CDH1: variants seen among roughly 807,000 people sequenced by gnomAD.
CDH1 encodes the protein cadherin 1, also known as cadherin-1.
CDH1 carries 35 observed loss-of-function variants against 84.5 expected under a neutral mutation model. The observed-to-expected ratio is 0.41, with a 90% CI of 0.32 to 0.55. The LOEUF (loss-of-function observed/expected upper bound fraction) is 0.55. Among genes scored for constraint, CDH1 ranks in the 20% least tolerant of loss-of-function variants. The pLI is 0.19. For synonymous variants in CDH1, 417 were observed against 439.0 expected (o/e 0.95, Z 0.63); for missense variants, 994 against 1,126.6 (o/e 0.88, Z 1.68).
At chr16:68,750,072 G>A (rs1369416934) in intron 2 of CDH1, among the ~76,000 whole-genome samples, 2 of 148,380 alleles carry the variant, frequency 1.3e-5, no homozygotes, top group East Asian at 4.0e-4. Flanking sequence ...TTGGCCTCTC[G>A]AAGTGCTGGG....
chr16:68,823,701 TG>T, intron 13 of CDH1, 75 bp downstream of exon 13: 1 of 984,298 alleles, frequency 1.0e-6, no homozygotes, highest in Non-Finnish European at 1.6e-6. Context: ...AAATGATTTT[TG>T]TTCTTATATT....
chr16:68,809,327 G>A (rs369500898), intron 5 of CDH1, among the ~76,000 whole-genome samples: 19 of 149,220 alleles, frequency 1.3e-4, no homozygotes, highest in Non-Finnish European at 2.4e-4. Context: ...TCAACCTCCC[G>A]AGTAGCTGGA....
intron 2 of CDH1, among the ~76,000 whole-genome samples, chr16:68,798,055 G>T (rs1035654941): frequency 4.0e-5 from 6 of 151,522 alleles, no homozygotes; most frequent in African/African-American, 1.5e-4. Context: ...CTCCAGCCTG[G>T]GTGACAGAGT....
chr16:68,783,264 G>A (rs1430704566), intron 2 of CDH1, among the ~76,000 whole-genome samples: 3 of 151,746 alleles, frequency 2.0e-5, no homozygotes, highest in African/African-American at 7.3e-5. Flanking sequence ...AGGCATGGTG[G>A]CACATGCCTG....
chr16:68,787,302 C>T (rs1960080508), intron 2 of CDH1, among the ~76,000 whole-genome samples: 1 of 152,180 alleles, frequency 6.6e-6, no homozygotes, highest in Non-Finnish European at 1.5e-5. Flanking sequence ...CTGACCTGCT[C>T]TGTGACCTTG....
rs2152133288 is a variant in CDH1, at chr16:68,813,309, G to A, written c.1138-4G>A. Reference sequence around the variant, plus strand: ...TGTAAATGACACATCTCTTTGCTCTGCAGTACAAGGGTCAGGTGCCTGAGA... The same window carrying A: ...TGTAAATGACACATCTCTTTGCTCTACAGTACAAGGGTCAGGTGCCTGAGA... On this transcript the variant is annotated splice_region_variant and splice_polypyrimidine_tract_variant and intron_variant, in intron 8 of 15. Coordinates refer to ENST00000261769, the MANE Select transcript of CDH1 (RefSeq NM_004360.5). The A allele has an allele frequency of 6.2e-7, 1 of 1,614,062 alleles. No individual in the cohort carries two copies. Among genetic ancestry groups the A allele is most frequent in the Non-Finnish European group, 8.5e-7 (1 of 1,179,944 alleles).
chr16:68,806,849 G>C (rs1960677765), intron 3 of CDH1, among the ~76,000 whole-genome samples: 1 of 152,198 alleles, frequency 6.6e-6, no homozygotes. Flanking sequence ...AGGGCAGAGA[G>C]CATAGGTGTG....
intron 2 of CDH1, among the ~76,000 whole-genome samples, chr16:68,752,795 T>A (rs1962916849): frequency 6.6e-6 from 1 of 152,110 alleles, no homozygotes. Flanking sequence ...TACCCCACAC[T>A]TCTGAGTGTA....
intron 2 of CDH1, among the ~76,000 whole-genome samples, chr16:68,760,423 T>C (rs1037037304): frequency 6.6e-6 from 1 of 152,088 alleles, no homozygotes; most frequent in Middle Eastern, 3.4e-3. Context: ...CCTTCTAAAG[T>C]ATTTTAAATT....
chr16:68,764,891 G>A (rs76233569), intron 2 of CDH1, among the ~76,000 whole-genome samples: 2 of 152,152 alleles, frequency 1.3e-5, no homozygotes, highest in African/African-American at 2.4e-5. Context: ...GTGCGGTGAC[G>A]GTAGACTGGA....
chr16:68,801,949 A>G, intron 3 of CDH1, 56 bp downstream of exon 3: 2 of 1,411,030 alleles, frequency 1.4e-6, no homozygotes, highest in Non-Finnish European at 2.0e-6. Flanking sequence ...TGTCTAATCC[A>G]GGTTTCTCAG....
intron 2 of CDH1, among the ~76,000 whole-genome samples, chr16:68,783,965 C>T (rs1246898712): frequency 4.6e-5 from 7 of 152,134 alleles, no homozygotes; most frequent in Non-Finnish European, 8.8e-5. Context: ...CATGAGCCAC[C>T]GTGCCCAGCC....
At chr16:68,751,868 C>A (rs1438928626) in intron 2 of CDH1, among the ~76,000 whole-genome samples, 4 of 152,008 alleles carry the variant, frequency 2.6e-5, no homozygotes, top group Admixed American at 2.0e-4. Context: ...GTGGTTTGAC[C>A]TCTGCTCACT....
At chr16:68,770,029 C>T (rs1472281543) in intron 2 of CDH1, among the ~76,000 whole-genome samples, 1 of 148,620 alleles carries the variant, frequency 6.7e-6, no homozygotes, top group Non-Finnish European at 1.5e-5. Flanking sequence ...TGGCTGCTGT[C>T]ATGCCCCCGG....
intron 2 of CDH1, among the ~76,000 whole-genome samples, chr16:68,771,478 G>A (rs1466591443): frequency 6.6e-6 from 1 of 152,108 alleles, no homozygotes; most frequent in African/African-American, 2.4e-5. Context: ...TTGTAGCCGG[G>A]CGCGGTGGCT....
intron 2 of CDH1, among the ~76,000 whole-genome samples, chr16:68,772,875 C>T (rs4783571): frequency 0.29 from 44,677 of 151,900 alleles, 6,659 homozygotes; most frequent in Middle Eastern, 0.34. Flanking sequence ...TGCAGTGAGC[C>T]ATGATTGTGT....
intron 13 of CDH1, 94 bp from the exon 14 acceptor site, chr16:68,828,080 T>C (rs1596970482): frequency 4.2e-6 from 6 of 1,431,088 alleles, no homozygotes; most frequent in South Asian, 3.5e-5. Flanking sequence ...AACTGCCCCC[T>C]GTCTGGTATG....
chr16:68,767,965 T>A (rs1249880066), intron 2 of CDH1, among the ~76,000 whole-genome samples: 2 of 151,966 alleles, frequency 1.3e-5, no homozygotes, highest in Admixed American at 6.6e-5. Flanking sequence ...ATTACTTTTT[T>A]TTTTTTTGAG....
At chr16:68,793,358 G>A (rs1452214170) in intron 2 of CDH1, among the ~76,000 whole-genome samples, 1 of 152,154 alleles carries the variant, frequency 6.6e-6, no homozygotes, top group African/African-American at 2.4e-5. Flanking sequence ...AGAAGAGAGG[G>A]AGTGTGTATA....
Sources: gnomAD v4.1 joint callset for allele counts (sites outside exome capture counted in the v4.1 genomes callset) on GRCh38, gnomAD v4.1.1 for gene constraint, MANE v1.5 for transcripts, NCBI Gene and HGNC (gene_info 2026-07-23, HGNC 2026-07-21) for gene names.